The following NEGR1 variants were observed in gnomAD, a reference collection of about 807,000 sequenced individuals.
NEGR1 encodes IgLON family member 4.
Under a neutral mutation model 40.9 loss-of-function variants are expected in NEGR1, and 10 were observed. The observed-to-expected ratio is 0.24, with a 90% CI of 0.15 to 0.42. NEGR1 has a LOEUF of 0.42. Among genes scored for constraint, NEGR1 ranks in the 10% least tolerant of loss-of-function variants. The pLI, the probability that NEGR1 is intolerant of heterozygous loss-of-function variation, is 1.00. For synonymous variants in NEGR1, 185 were observed against 166.8 expected (o/e 1.11, Z -0.84); for missense variants, 352 against 438.9 (o/e 0.80, Z 1.77).
At chr1:72,129,090 G>A (rs1025535960) in intron 1 of NEGR1, among the ~76,000 whole-genome samples, 4 of 152,044 alleles carry the variant, frequency 2.6e-5, no homozygotes, top group Admixed American at 6.5e-5. Flanking sequence ...CTAGGTTTCC[G>A]GCTCACAGAT....
At chr1:71,932,588 T>A (rs1645865980) in intron 2 of NEGR1, among the ~76,000 whole-genome samples, 1 of 152,070 alleles carries the variant, frequency 6.6e-6, no homozygotes, top group Non-Finnish European at 1.5e-5. Context: ...TTTTTATCCC[T>A]TTTCAAAATG....
intron 1 of NEGR1, among the ~76,000 whole-genome samples, chr1:72,030,670 TA>T (rs201552727): frequency 5.4e-4 from 82 of 151,898 alleles, no homozygotes; most frequent in African/African-American, 1.9e-3. Context: ...AGCAGAAAGA[TA>T]AAAAAAAGTA....
chr1:71,903,986 T>G (rs1459124060), intron 2 of NEGR1, among the ~76,000 whole-genome samples: 1 of 152,034 alleles, frequency 6.6e-6, no homozygotes, highest in Non-Finnish European at 1.5e-5. Context: ...ATTGATTTAT[T>G]ACTTTCTTTC....
intron 3 of NEGR1, among the ~76,000 whole-genome samples, chr1:71,774,155 G>A (rs1394991935): frequency 1.3e-5 from 2 of 152,086 alleles, no homozygotes; most frequent in Non-Finnish European, 2.9e-5. Flanking sequence ...TTATTATCAT[G>A]CAATTTTTGA....
intron 6 of NEGR1, among the ~76,000 whole-genome samples, chr1:71,447,744 G>A (rs370202354): frequency 9.9e-5 from 15 of 152,240 alleles, no homozygotes; most frequent in African/African-American, 3.6e-4. Context: ...TGAAGCACTC[G>A]CTATGCTTTC....
chr1:71,617,469 C>T (rs1044280139), intron 4 of NEGR1, among the ~76,000 whole-genome samples: 5 of 152,164 alleles, frequency 3.3e-5, no homozygotes, highest in African/African-American at 1.2e-4. Context: ...TGTGCACTTT[C>T]GTTGCCAACC....
intron 1 of NEGR1, among the ~76,000 whole-genome samples, chr1:72,260,769 C>T (rs1209320967): frequency 6.6e-6 from 1 of 152,022 alleles, no homozygotes; most frequent in Non-Finnish European, 1.5e-5. Flanking sequence ...ACACTTGATT[C>T]AGTATTTCAT....
At chr1:72,223,743 C>T (rs903789291) in intron 1 of NEGR1, among the ~76,000 whole-genome samples, 2 of 152,042 alleles carry the variant, frequency 1.3e-5, no homozygotes, top group Non-Finnish European at 2.9e-5. Context: ...GATCATGATT[C>T]GGTGATCAAA....
chr1:71,862,610 A>G (rs540361252), intron 2 of NEGR1, among the ~76,000 whole-genome samples: 134 of 152,190 alleles, frequency 8.8e-4, no homozygotes, highest in Admixed American at 1.9e-3. Context: ...TATTGCATCA[A>G]AATTAATTTA....
chr1:71,449,459 C>G (rs1297283453), intron 6 of NEGR1, among the ~76,000 whole-genome samples: 2 of 152,162 alleles, frequency 1.3e-5, no homozygotes, highest in Non-Finnish European at 2.9e-5. Flanking sequence ...GAAGCTACCT[C>G]TAAGTTTTTT....
intron 4 of NEGR1, among the ~76,000 whole-genome samples, chr1:71,630,133 AAAG>A (rs1345808224): frequency 6.6e-6 from 1 of 152,002 alleles, no homozygotes; most frequent in African/African-American, 2.4e-5. Context: ...CTTGTTAAGA[AAAG>A]AAGAATTTAT....
intron 3 of NEGR1, among the ~76,000 whole-genome samples, chr1:71,699,815 G>A (rs1405848691): frequency 6.6e-6 from 1 of 151,786 alleles, no homozygotes; most frequent in Non-Finnish European, 1.5e-5. Flanking sequence ...TAAATCATGG[G>A]GGCTGGTCTT....
chr1:72,114,844 A>G (rs1391647531), intron 1 of NEGR1, among the ~76,000 whole-genome samples: 2 of 151,812 alleles, frequency 1.3e-5, no homozygotes, highest in Non-Finnish European at 2.9e-5. Flanking sequence ...CTGCTCACAT[A>G]GGAGTTATGC....
chr1:71,775,834 T>C (rs1036492784), intron 3 of NEGR1, among the ~76,000 whole-genome samples: 7 of 151,258 alleles, frequency 4.6e-5, no homozygotes, highest in Admixed American at 2.0e-4. Context: ...CTACTAAAAA[T>C]ACAAAAAAAG....
At chr1:71,588,200 G>C (rs1649371652) in intron 6 of NEGR1, among the ~76,000 whole-genome samples, 1 of 151,918 alleles carries the variant, frequency 6.6e-6, no homozygotes, top group Non-Finnish European at 1.5e-5. Flanking sequence ...AAACAGACTT[G>C]GAAGAAACAT....
intron 1 of NEGR1, among the ~76,000 whole-genome samples, chr1:72,207,649 A>G (rs1653459034): frequency 6.6e-6 from 1 of 151,788 alleles, no homozygotes; most frequent in South Asian, 2.1e-4. Context: ...CAAAAGATTA[A>G]TCTTTTGTTT....
chr1:71,640,391 A>C (rs1041000512), intron 4 of NEGR1, among the ~76,000 whole-genome samples: 1 of 152,036 alleles, frequency 6.6e-6, no homozygotes, highest in Non-Finnish European at 1.5e-5. Flanking sequence ...CAGAGTGTCA[A>C]ACGGAATTAT....
At chr1:71,445,713 A>G (rs1254876499) in intron 6 of NEGR1, among the ~76,000 whole-genome samples, 8 of 152,226 alleles carry the variant, frequency 5.3e-5, no homozygotes, top group Admixed American at 2.0e-4. Flanking sequence ...GAAAGCCCCA[A>G]TATGCGTCTT....
intron 4 of NEGR1, among the ~76,000 whole-genome samples, chr1:71,627,952 G>A (rs12136092): frequency 0.43 from 64,599 of 151,898 alleles, 16,403 homozygotes; most frequent in Non-Finnish European, 0.57. Context: ...ATGACAGCAA[G>A]TGCTACACAG....
Sources: allele counts gnomAD v4.1 joint callset (sites outside exome capture counted in the v4.1 genomes callset), GRCh38; gene constraint gnomAD v4.1.1; transcripts MANE v1.5; gene names NCBI Gene and HGNC (gene_info 2026-07-23, HGNC 2026-07-21).